The following LIPA variants were observed in gnomAD, a reference collection of about 807,000 sequenced individuals.
LIPA encodes the protein lysosomal acid lipase/cholesteryl ester hydrolase.
In LIPA, 26 loss-of-function variants were observed where a neutral mutation model predicts 40.6. The ratio of observed to expected loss-of-function variants is 0.64; its 90% CI spans 0.47 to 0.89. LIPA has a LOEUF of 0.89. LIPA is among the 40% of genes least tolerant of loss of function. The pLI, the probability that LIPA is intolerant of heterozygous loss-of-function variation, is 0.00. For missense variants in LIPA, 455 were observed against 479.6 expected, an observed-to-expected ratio of 0.95 and a Z score of 0.48; for synonymous variants, 188 against 168.4, an observed-to-expected ratio of 1.12 and a Z score of -0.90.
chr10:89,272,009 G>A (rs1003871919), intron 1 of LIPA, among the ~76,000 whole-genome samples: 8 of 152,050 alleles, frequency 5.3e-5, no homozygotes, highest in Admixed American at 3.9e-4. Context: ...GGCTGAGGCT[G>A]CAGTGAGCCA....
chr10:89,389,213 T>C lies in LIPA; in HGVS notation c.61+23578A>G, dbSNP rs183817985. Among the ~76,000 whole-genome samples the C allele has an allele frequency of 1.7e-3, 253 of 152,324 alleles. 1 individual carries two copies. The highest frequency in any genetic ancestry group is 4.0e-3 in the Admixed American group (61 of 15,298). On this transcript the variant is annotated intron_variant, in intron 2 of 8. Coordinates refer to the LIPA transcript ENST00000371837. ...AAGAGAAATATCTAGAAACCTGACT[T>C]TTATAATTAAATGAAAAACGTGAGG... is the stretch of plus-strand genomic sequence containing the variant.
intron 1 of LIPA, among the ~76,000 whole-genome samples, chr10:89,260,974 A>G (rs939884843): frequency 3.9e-5 from 6 of 152,218 alleles, no homozygotes; most frequent in Admixed American, 2.0e-4. Context: ...GGTGAAAGGT[A>G]GCTAGTAGTG....
At chr10:89,264,998 C>T (rs1472660025) in intron 1 of LIPA, among the ~76,000 whole-genome samples, 1 of 152,242 alleles carries the variant, frequency 6.6e-6, no homozygotes, top group Non-Finnish European at 1.5e-5. Flanking sequence ...CCCTCCCATG[C>T]TCATTGGCCC....
intron 1 of LIPA, among the ~76,000 whole-genome samples, chr10:89,285,750 C>T (rs921436473): frequency 2.0e-5 from 3 of 151,802 alleles, no homozygotes; most frequent in Non-Finnish European, 2.9e-5. Context: ...AAGCACCCCC[C>T]ACTCCTTCTC....
intron 2 of LIPA, among the ~76,000 whole-genome samples, chr10:89,389,983 T>C (rs1012772580): frequency 4.2e-5 from 6 of 142,206 alleles, no homozygotes; most frequent in African/African-American, 1.0e-4. Flanking sequence ...TTCTTTTTTT[T>C]TTTTTTTTTT....
chr10:89,373,259 C>T (rs1247787572), intron 2 of LIPA, among the ~76,000 whole-genome samples: 8 of 146,544 alleles, frequency 5.5e-5, no homozygotes, highest in African/African-American at 1.3e-4. Flanking sequence ...GGCGTGAACC[C>T]GGGAGGCAGA....
chr10:89,307,600 G>C (rs962499999), intron 1 of LIPA: 15 of 431,600 alleles, frequency 3.5e-5, no homozygotes, highest in African/African-American at 2.9e-4. Context: ...CACGGGCTTG[G>C]TGATAGAATT....
At chr10:89,324,401 T>C (rs971211107) in intron 1 of LIPA, among the ~76,000 whole-genome samples, 2 of 151,988 alleles carry the variant, frequency 1.3e-5, no homozygotes, top group Admixed American at 6.6e-5. Flanking sequence ...ATGTAAAACC[T>C]AAAAATATTA....
intron 2 of LIPA, chr10:89,404,806 CT>C (rs1178746000): frequency 6.6e-6 from 1 of 152,258 alleles, no homozygotes; most frequent in African/African-American, 2.4e-5. Context: ...AATGCAAAAA[CT>C]TAGCTGGGTG....
chr10:89,237,610 C>T (rs1341322107), intron 3 of LIPA, among the ~76,000 whole-genome samples: 1 of 152,160 alleles, frequency 6.6e-6, no homozygotes, highest in Non-Finnish European at 1.5e-5. Flanking sequence ...TATAAATCTG[C>T]TAATCCCTGA....
chr10:89,337,078 G>A (rs1843754084), intron 1 of LIPA, among the ~76,000 whole-genome samples: 1 of 152,148 alleles, frequency 6.6e-6, no homozygotes, highest in Admixed American at 6.5e-5. Flanking sequence ...TGTGTGGTGG[G>A]GAGACTACTT....
intron 2 of LIPA, among the ~76,000 whole-genome samples, chr10:89,393,817 A>C (rs1844293810): frequency 6.6e-6 from 1 of 152,216 alleles, no homozygotes. Context: ...AATTTTGAAG[A>C]GGTAAAAATT....
chr10:89,225,200 C>T lies in LIPA; in HGVS notation c.567G>A (p.Glu189=). ...IGFIAFSQIP[E]LAKRIKMFFA... is the part of the protein sequence containing the mutation. ...AAAACATTTTAATCCTTTTAGCCAG[C>T]TCAGGGATCTGTGAAAATGCTATAA... Residue 189 remains glutamate, a synonymous_variant, in exon 6 of 10, where the codon GAG becomes GAA. Transcript: ENST00000336233. 1 of 1,614,140 alleles carries T rather than the reference C, an allele frequency of 6.2e-7. No individual in the cohort carries two copies. Among genetic ancestry groups the T allele is most frequent in the Non-Finnish European group, 8.5e-7 (1 of 1,180,008 alleles).
At chr10:89,246,920 T>A (rs944390959) in intron 2 of LIPA, among the ~76,000 whole-genome samples, 3 of 152,224 alleles carry the variant, frequency 2.0e-5, no homozygotes, top group Non-Finnish European at 4.4e-5. Flanking sequence ...GTTTAAATAC[T>A]TTTTTATAGT....
chr10:89,248,108 G>A (rs1032007407), intron 1 of LIPA, among the ~76,000 whole-genome samples: 7 of 150,794 alleles, frequency 4.6e-5, no homozygotes, highest in African/African-American at 1.7e-4. Context: ...TTCGTGATTC[G>A]CCCACCTCGG....
At chr10:89,298,552 A>C (rs1843428230) in intron 1 of LIPA, among the ~76,000 whole-genome samples, 1 of 152,236 alleles carries the variant, frequency 6.6e-6, no homozygotes, top group Non-Finnish European at 1.5e-5. Context: ...TCAAAAATTG[A>C]AAGAAGTGAC....
chr10:89,338,124 C>T (rs1395784668), intron 1 of LIPA: 1 of 152,482 alleles, frequency 6.6e-6, no homozygotes, highest in African/African-American at 2.4e-5. Context: ...ATGGGTTTAT[C>T]AGGATATAAC....
At chr10:89,250,771 A>G (rs1843108155) in intron 1 of LIPA, among the ~76,000 whole-genome samples, 1 of 152,134 alleles carries the variant, frequency 6.6e-6, no homozygotes, top group African/African-American at 2.4e-5. Context: ...ACACAACACT[A>G]CATACTTAGT....
intron 1 of LIPA, among the ~76,000 whole-genome samples, chr10:89,315,618 T>C (rs1347921894): frequency 6.6e-6 from 1 of 152,136 alleles, no homozygotes; most frequent in Non-Finnish European, 1.5e-5. Flanking sequence ...TAGTATCAAC[T>C]CCTTCAGAGC....
Sources: gnomAD v4.1 joint callset for allele counts (sites outside exome capture counted in the v4.1 genomes callset) on GRCh38, gnomAD v4.1.1 for gene constraint, MANE v1.5 for transcripts, NCBI Gene and HGNC (gene_info 2026-07-23, HGNC 2026-07-21) for gene names.